The following ECT2L variants were observed in gnomAD, a reference collection of about 807,000 sequenced individuals.
The protein encoded by ECT2L is epithelial cell-transforming sequence 2 oncogene-like.
Under a neutral mutation model 122.8 loss-of-function variants are expected in ECT2L, and 126 were observed. That is an observed-to-expected ratio of 1.03 (90% CI 0.89 to 1.19). ECT2L has a LOEUF of 1.19. Ranked by LOEUF, ECT2L falls within the 50% of genes most tolerant of loss-of-function variation. The pLI, the probability that ECT2L is intolerant of heterozygous loss-of-function variation, is 0.00. For synonymous variants in ECT2L, 385 were observed against 381.8 expected, an observed-to-expected ratio of 1.01 and a Z score of -0.10; for missense variants, 1,012 against 1,064.1, an observed-to-expected ratio of 0.95 and a Z score of 0.68.
intron 10 of ECT2L, among the ~76,000 whole-genome samples, chr6:138,856,770 C>G (rs762959897): frequency 6.6e-6 from 1 of 152,170 alleles, no homozygotes; most frequent in African/African-American, 2.4e-5. Flanking sequence ...GTGATACAAC[C>G]GTTCTGATTG....
intron 19 of ECT2L, among the ~76,000 whole-genome samples, chr6:138,887,231 T>A (rs1778860784): frequency 6.7e-6 from 1 of 149,006 alleles, no homozygotes; most frequent in Non-Finnish European, 1.5e-5. Flanking sequence ...TTTCTTTAAT[T>A]TTTTTTTTTT....
chr6:138,809,827 C>T (rs762101395), intron 1 of ECT2L, among the ~76,000 whole-genome samples: 84 of 152,098 alleles, frequency 5.5e-4, no homozygotes, highest in Non-Finnish European at 2.6e-4. Context: ...CTTCCTTGAA[C>T]GTTTAGTAGA....
chr6:138,893,174 G>GTT (rs367734062), intron 20 of ECT2L, among the ~76,000 whole-genome samples: 71 of 135,564 alleles, frequency 5.2e-4, no homozygotes, highest in African/African-American at 1.7e-3. Context: ...GTTTTTTTTT[G>GTT]TTTTTTTTTT....
intron 1 of ECT2L, among the ~76,000 whole-genome samples, chr6:138,803,595 A>G (rs1328986228): frequency 1.3e-5 from 2 of 152,156 alleles, no homozygotes; most frequent in African/African-American, 4.8e-5. Context: ...AATTTCCCAT[A>G]TTGCCAAGAG....
chr6:138,822,262 G>T (rs1175115206), intron 4 of ECT2L, among the ~76,000 whole-genome samples: 1 of 152,226 alleles, frequency 6.6e-6, no homozygotes, highest in Non-Finnish European at 1.5e-5. Flanking sequence ...ACATTACATG[G>T]GGAAGGAGGC....
chr6:138,898,520 G>GT (rs1414901827), intron 20 of ECT2L, among the ~76,000 whole-genome samples: 10 of 152,194 alleles, frequency 6.6e-5, no homozygotes, highest in African/African-American at 2.4e-4. Flanking sequence ...AGGCATAGCT[G>GT]TAACTAATAA....
intron 9 of ECT2L, among the ~76,000 whole-genome samples, chr6:138,851,792 C>T (rs1238045437): frequency 6.6e-6 from 1 of 152,068 alleles, no homozygotes; most frequent in Non-Finnish European, 1.5e-5. Context: ...GTTGATTGTA[C>T]ACTTTGATGC....
At chr6:138,821,343 C>T (rs1347896291) in intron 4 of ECT2L, among the ~76,000 whole-genome samples, 1 of 152,220 alleles carries the variant, frequency 6.6e-6, no homozygotes, top group Non-Finnish European at 1.5e-5. Context: ...AAGCTTCTTG[C>T]AGTGCTTCCG....
At chr6:138,798,302 A>G (rs1391416798) in intron 1 of ECT2L, among the ~76,000 whole-genome samples, 1 of 152,198 alleles carries the variant, frequency 6.6e-6, no homozygotes, top group Non-Finnish European at 1.5e-5. Flanking sequence ...TTCCAGCTGC[A>G]TAATCACATG....
intron 4 of ECT2L, among the ~76,000 whole-genome samples, chr6:138,819,569 A>G (rs978271650): frequency 1.3e-5 from 2 of 152,214 alleles, no homozygotes; most frequent in Admixed American, 1.3e-4. Context: ...TTAGAGCCAT[A>G]CCAGGCACAT....
chr6:138,865,890 G>A (rs930619276), intron 12 of ECT2L, among the ~76,000 whole-genome samples: 3 of 152,070 alleles, frequency 2.0e-5, no homozygotes, highest in Non-Finnish European at 2.9e-5. Context: ...CTCTATCTAT[G>A]CCTTTCTTCT....
intron 1 of ECT2L, 99 bp downstream of exon 1, chr6:138,796,291 G>A (rs1269008858): frequency 6.6e-6 from 1 of 152,256 alleles, no homozygotes; most frequent in Non-Finnish European, 1.5e-5. Context: ...CGCCCAGGAA[G>A]ACCCTAAGCA....
intron 9 of ECT2L, among the ~76,000 whole-genome samples, chr6:138,850,390 C>T (rs2128393708): frequency 6.6e-6 from 1 of 152,282 alleles, no homozygotes; most frequent in Non-Finnish European, 1.5e-5. Context: ...AGTGATCCAC[C>T]TGCCTCGGCC....
chr6:138,902,817 G>A lies in ECT2L; in HGVS notation c.*190G>A. The A allele has an allele frequency of 1.7e-6, 1 of 605,222 alleles. No individual in the cohort carries two copies. Among genetic ancestry groups the A allele is most frequent in the Non-Finnish European group, 2.7e-6 (1 of 375,326 alleles). 37.5% of individuals were successfully genotyped at this position (605,222 alleles called of 1,614,324 possible). A position where few individuals can be genotyped will look rare whatever the true frequency, so the allele number is the denominator to read the frequency against. ...GTGCTCACTTATGTAGAATGTATAA[G>A]TACATTTTGAGTCCAAAATTTTGAA... On this transcript the variant is annotated 3_prime_UTR_variant, in exon 22 of 22. Transcript: ENST00000541398.
At chr6:138,866,387 A>G (rs1294794806) in intron 12 of ECT2L, among the ~76,000 whole-genome samples, 4 of 152,058 alleles carry the variant, frequency 2.6e-5, no homozygotes, top group Non-Finnish European at 5.9e-5. Flanking sequence ...AGTAGCTGGG[A>G]TTACAGGTGT....
At chr6:138,833,606 C>G (rs937769193) in intron 4 of ECT2L, among the ~76,000 whole-genome samples, 9 of 152,128 alleles carry the variant, frequency 5.9e-5, no homozygotes, top group African/African-American at 1.9e-4. Context: ...AGTTTGAGAC[C>G]AGCCTGGCCA....
rs566658247 is a variant in ECT2L, at chr6:138,844,389, G to A, written c.596-23G>A. On this transcript the variant is annotated intron_variant, in intron 6 of 21. Coordinates refer to ENST00000541398, the MANE Select transcript of ECT2L (RefSeq NM_001077706.3). ...GGAGAAGTATGAAGTAATCAGCCCCGCCTGCTGTTCTTTGTTTTTCAGAGG... is the reference window on the plus strand; with the variant it reads ...GGAGAAGTATGAAGTAATCAGCCCCACCTGCTGTTCTTTGTTTTTCAGAGG... The A allele has an allele frequency of 6.5e-5, 105 of 1,609,526 alleles. 1 individual carries two copies. In the East Asian group the frequency reaches 2.0e-3, roughly 31 times the overall value.
chr6:138,848,038 CCAGA>C (rs1777297624), intron 8 of ECT2L, among the ~76,000 whole-genome samples: 1 of 152,102 alleles, frequency 6.6e-6, no homozygotes, highest in South Asian at 2.1e-4. Context: ...AGAGGAAATG[CCAGA>C]CACTTATGAA....
intron 10 of ECT2L, among the ~76,000 whole-genome samples, chr6:138,859,926 T>A (rs1248820572): frequency 6.6e-6 from 1 of 152,054 alleles, no homozygotes; most frequent in African/African-American, 2.4e-5. Flanking sequence ...GCAATTCTCC[T>A]GCCTCAGCCT....
Sources: gnomAD v4.1 joint callset for allele counts (sites outside exome capture counted in the v4.1 genomes callset) on GRCh38, gnomAD v4.1.1 for gene constraint, MANE v1.5 for transcripts, NCBI Gene and HGNC (gene_info 2026-07-23, HGNC 2026-07-21) for gene names.